PRKCH: variants seen among roughly 807,000 people sequenced by gnomAD.
The protein encoded by PRKCH is protein kinase C eta.
Under a neutral mutation model 82.5 loss-of-function variants are expected in PRKCH, and 28 were observed. That is an observed-to-expected ratio of 0.34 (90% confidence interval 0.25 to 0.47). The LOEUF is 0.47. Ranked by LOEUF, PRKCH falls within the 20% of genes least tolerant of loss-of-function variation. The pLI is 1.00. For missense variants in PRKCH, 705 were observed against 881.8 expected (o/e 0.80, Z 2.54); for synonymous variants, 322 against 327.4 (o/e 0.98, Z 0.18).
intron 12 of PRKCH, among the ~76,000 whole-genome samples, chr14:61,547,176 A>G (rs1111107): frequency 0.097 from 14,702 of 152,266 alleles, 935 homozygotes; most frequent in African/African-American, 0.16. Context: ...TTCGCTGCAT[A>G]AAGAAAAGTG....
At chr14:61,261,632 A>C (rs2045044981) in intron 1 of PRKCH, among the ~76,000 whole-genome samples, 1 of 152,082 alleles carries the variant, frequency 6.6e-6, no homozygotes, top group Non-Finnish European at 1.5e-5. Context: ...ACCATCAGAC[A>C]AGTCTAAATT....
At chr14:61,330,759 C>A (rs2045773727) in intron 1 of PRKCH, among the ~76,000 whole-genome samples, 1 of 152,132 alleles carries the variant, frequency 6.6e-6, no homozygotes, top group African/African-American at 2.4e-5. Context: ...CTTGCTTGGA[C>A]CTGGGACATT....
intron 10 of PRKCH, among the ~76,000 whole-genome samples, chr14:61,489,928 T>C (rs1886385846): frequency 1.3e-5 from 2 of 152,338 alleles, no homozygotes; most frequent in South Asian, 2.1e-4. Flanking sequence ...ACACATTTGA[T>C]TGGCTGTTTT....
intron 1 of PRKCH, among the ~76,000 whole-genome samples, chr14:61,382,699 G>C (rs1203685664): frequency 6.6e-6 from 1 of 152,144 alleles, no homozygotes; most frequent in Non-Finnish European, 1.5e-5. Context: ...CTATTACAGA[G>C]GTTTGCTCAA....
intron 10 of PRKCH, among the ~76,000 whole-genome samples, chr14:61,515,174 G>A (rs930149318): frequency 3.3e-5 from 5 of 152,186 alleles, no homozygotes; most frequent in Non-Finnish European, 7.3e-5. Flanking sequence ...GACAGGGAGG[G>A]GGTGAAGAAC....
At chr14:61,526,382 G>C (rs1594785963) in intron 10 of PRKCH, among the ~76,000 whole-genome samples, 2 of 152,252 alleles carry the variant, frequency 1.3e-5, no homozygotes, top group Non-Finnish European at 2.9e-5. Flanking sequence ...CTGCTACTAA[G>C]AGCAGAGAAG....
At chr14:61,329,453 C>T (rs541260460) in intron 1 of PRKCH, among the ~76,000 whole-genome samples, 1 of 152,110 alleles carries the variant, frequency 6.6e-6, no homozygotes, top group African/African-American at 2.4e-5. Flanking sequence ...CCAGGCTGGT[C>T]TCAAACTCCT....
chr14:61,490,330 A>G (rs944308241), intron 10 of PRKCH, among the ~76,000 whole-genome samples: 2 of 152,214 alleles, frequency 1.3e-5, no homozygotes, highest in Non-Finnish European at 2.9e-5. Context: ...TGAGAGAAAA[A>G]TGTCTACTTA....
At chr14:61,256,196 T>C (rs1467996769) in intron 1 of PRKCH, among the ~76,000 whole-genome samples, 1 of 152,196 alleles carries the variant, frequency 6.6e-6, no homozygotes, top group Non-Finnish European at 1.5e-5. Flanking sequence ...TCACCAGAGA[T>C]GAAAAATACC....
intron 2 of PRKCH, among the ~76,000 whole-genome samples, chr14:61,399,939 T>A (rs1448437110): frequency 6.6e-6 from 1 of 152,232 alleles, no homozygotes; most frequent in South Asian, 2.1e-4. Context: ...GAATTGTTCC[T>A]TATTTGAGAC....
intron 5 of PRKCH, 146 bp from the exon 6 acceptor site, chr14:61,450,696 A>G: frequency 1.1e-6 from 1 of 882,376 alleles, no homozygotes; most frequent in Non-Finnish European, 1.6e-6. Context: ...GACCTGAGTA[A>G]TTAATCAGGG....
chr14:61,428,076 T>TAGATAGATAGATACACAC (rs377250538), intron 2 of PRKCH, among the ~76,000 whole-genome samples: 18 of 126,206 alleles, frequency 1.4e-4, no homozygotes, highest in Admixed American at 5.6e-4. Context: ...GATAGATAGA[T>TAGATAGATAGATACACAC]ACACACACAC....
At chr14:61,353,391 G>A (rs1335251362) in intron 1 of PRKCH, 1 of 152,156 alleles carries the variant, frequency 6.6e-6, no homozygotes, top group African/African-American at 2.4e-5. Flanking sequence ...GTAGCTGTTT[G>A]AGACTTATTT....
chr14:61,395,738 C>G (rs777635515), intron 2 of PRKCH, among the ~76,000 whole-genome samples: 1 of 152,154 alleles, frequency 6.6e-6, no homozygotes. Context: ...TTCCCCTACC[C>G]CTGCCCTGGG....
At chr14:61,382,361 T>C (rs1174583625) in intron 1 of PRKCH, among the ~76,000 whole-genome samples, 2 of 152,068 alleles carry the variant, frequency 1.3e-5, no homozygotes, top group Non-Finnish European at 2.9e-5. Context: ...GCCCAGGAGA[T>C]GGAGGTTTCA....
At chr14:61,397,095 G>A (rs111561351) in intron 2 of PRKCH, among the ~76,000 whole-genome samples, 98 of 152,294 alleles carry the variant, frequency 6.4e-4, no homozygotes, top group African/African-American at 2.3e-3. Flanking sequence ...TAGAGACTTG[G>A]AAGGTTGTCT....
chr14:61,213,563 C>G (rs769790387), intron 1 of PRKCH, among the ~76,000 whole-genome samples: 3 of 152,158 alleles, frequency 2.0e-5, no homozygotes, highest in African/African-American at 7.2e-5. Flanking sequence ...TATGGTGTCA[C>G]GTGGTGATGC....
chr14:61,418,405 T>G (rs1882671629), intron 2 of PRKCH, among the ~76,000 whole-genome samples: 1 of 152,210 alleles, frequency 6.6e-6, no homozygotes, highest in Non-Finnish European at 1.5e-5. Flanking sequence ...GTGTAATGAT[T>G]AATGCACAGA....
At chr14:61,210,099 A>C (rs2044558471) in intron 1 of PRKCH, among the ~76,000 whole-genome samples, 1 of 110,444 alleles carries the variant, frequency 9.1e-6, no homozygotes, top group Non-Finnish European at 1.9e-5. Flanking sequence ...AAACAAAACA[A>C]ACAAACAAAC....
Sources: allele counts gnomAD v4.1 joint callset (sites outside exome capture counted in the v4.1 genomes callset), GRCh38; gene constraint gnomAD v4.1.1; transcripts MANE v1.5; gene names NCBI Gene and HGNC (gene_info 2026-07-23, HGNC 2026-07-21).